SMARCD2: variants seen among roughly 807,000 people sequenced by gnomAD.
The protein encoded by SMARCD2 is SWI/SNF related BAF chromatin remodeling complex subunit D2.
Under a neutral mutation model 70.4 loss-of-function variants are expected in SMARCD2, and 39 were observed. That is an observed-to-expected ratio of 0.55 (90% CI 0.43 to 0.72). The LOEUF (loss-of-function observed/expected upper bound fraction) is 0.72. Ranked by LOEUF, SMARCD2 falls within the 30% of genes least tolerant of loss-of-function variation. The pLI, the probability that SMARCD2 is intolerant of heterozygous loss-of-function variation, is 0.00. For synonymous variants in SMARCD2, 249 were observed against 279.4 expected, an observed-to-expected ratio of 0.89 and a Z score of 1.08; for missense variants, 540 against 713.4, an observed-to-expected ratio of 0.76 and a Z score of 2.77.
Position 63,833,787 on chromosome 17 carries a change from C to A in SMARCD2, c.1182-65G>T. 4 of 1,602,148 alleles carry A rather than the reference C, an allele frequency of 2.5e-6. No homozygotes were observed. The highest frequency in any genetic ancestry group is 3.4e-6 in the Non-Finnish European group (4 of 1,169,560). On this transcript the variant is annotated intron_variant, in intron 9 of 12. Coordinates refer to ENST00000448276, the MANE Select transcript of SMARCD2 (RefSeq NM_001098426.2). This position sits in a 1 kb window ranked among gnomAD's most constrained non-coding sequence, Gnocchi z 4.3. ...TTCATCCTGCCCACCTGGGCCAAAT[C>A]TGGGGCCCATTCTCTGCACACACTC...
At chr17:63,835,152 C>T in intron 5 of SMARCD2, 2 of 539,360 alleles carry the variant, frequency 3.7e-6, no homozygotes, top group Non-Finnish European at 6.5e-6. Context: ...GAGACACAAT[C>T]TCACTCTGTC....
At chr17:63,841,435 G>T (rs1329512819) in intron 1 of SMARCD2, among the ~76,000 whole-genome samples, 1 of 152,244 alleles carries the variant, frequency 6.6e-6, no homozygotes, top group Admixed American at 6.5e-5. Context: ...AGTGTCAAAT[G>T]CTTGGGCACA....
rs761747251 is a variant in SMARCD2 at position 63,836,872 on chromosome 17, G to A, written c.567+50C>T. 8.2e-6 allele frequency: 13 copies of A among 1,580,756 alleles called. 1 individual carries two copies. The highest frequency in any genetic ancestry group is 1.0e-5 in the Non-Finnish European group (12 of 1,155,858). The stretch of plus-strand genomic sequence containing the variant: ...CTTGGCCCCTGGAAAACAAGGGGGT[G>A]GAAGGCAAGGAAACCTGGGAAGGCT... On this transcript the variant is annotated intron_variant, in intron 4 of 12. Transcript: ENST00000448276.
chr17:63,836,424 G>A (rs2040266238), intron 4 of SMARCD2, among the ~76,000 whole-genome samples: 1 of 150,896 alleles, frequency 6.6e-6, no homozygotes, highest in Admixed American at 6.6e-5. Flanking sequence ...ACTTGAACCT[G>A]GGATGCGAAG....
rs1023727849 is a variant in SMARCD2, at chr17:63,842,588, A to C, written c.87T>G (p.Pro29=). ...GAVAAALGAP[P]PPAGPGMLPG... ...GCAGCATGCCGGGTCCCGCGGGGGG[A>C]GGCGGCGCTCCCAGGGCCGCAGCCA... The change falls in exon 1 of 13, where the codon CCT becomes CCG. Residue 29 remains proline, a synonymous_variant. Coordinates refer to ENST00000448276, the MANE Select transcript of SMARCD2 (RefSeq NM_001098426.2). 1 of 1,209,252 alleles carries C rather than the reference A, an allele frequency of 8.3e-7. No homozygotes were observed. Among genetic ancestry groups the C allele is most frequent in the Non-Finnish European group, 1.0e-6 (1 of 974,144 alleles). 74.9% of individuals were successfully genotyped at this position (1,209,252 alleles called of 1,614,324 possible). A position where few individuals can be genotyped will look rare whatever the true frequency, so the allele number is the denominator to read the frequency against.
rs544776470 is a variant in SMARCD2 at position 63,833,882 on chromosome 17, C to T, written c.1181+27G>A. 1.9e-5 allele frequency: 30 copies of T among 1,566,912 alleles called. No homozygotes were observed. The highest frequency in any genetic ancestry group is 2.5e-5 in the Non-Finnish European group (29 of 1,137,768). On this transcript the variant is annotated intron_variant, in intron 9 of 12. Coordinates refer to ENST00000448276, the MANE Select transcript of SMARCD2 (RefSeq NM_001098426.2). This position sits in a 1 kb window ranked among gnomAD's most constrained non-coding sequence, Gnocchi z 4.3. ...AAGGGTGAATCTGCTCTTAGAAGAG[C>T]CTTCCTGTCCCCCTCCTTGCATTTA...
chr17:63,833,416 T>C lies in SMARCD2; in HGVS notation c.1322A>G (p.His441Arg), dbSNP rs757193839. Reference sequence around the variant, plus strand: ...CTGGTTGATGGACTCAATGGTCTCATGGATCTGGAGAGGGTACCTGTGTCA... The same window carrying C: ...CTGGTTGATGGACTCAATGGTCTCACGGATCTGGAGAGGGTACCTGTGTCA... ...QEIASLDVKI[H>R]ETIESINQLK... is the part of the protein sequence containing the mutation. Residue 441 changes from histidine (H) to arginine (R), a missense_variant, in exon 11 of 13, where the codon CAT becomes CGT. By Grantham distance (29) the His-to-Arg change is conservative. Transcript: ENST00000448276. The surrounding 1 kb of genome is among the most constrained non-coding windows in gnomAD (Gnocchi z 4.3). 2.3e-5 allele frequency: 37 copies of C among 1,613,878 alleles called. No individual in the cohort carries two copies. Among genetic ancestry groups the C allele is most frequent in the Admixed American group, 8.3e-5 (5 of 60,000 alleles).
Position 63,834,623 on chromosome 17 carries a change from C to G in SMARCD2, c.820-48G>C, listed in dbSNP as rs896186772. The G allele has an allele frequency of 3.2e-6, 5 of 1,570,688 alleles. No homozygotes were observed. Among genetic ancestry groups the G allele is most frequent in the Non-Finnish European group, 4.4e-6 (5 of 1,142,758 alleles). On this transcript the variant is annotated intron_variant, in intron 6 of 12. Transcript: ENST00000448276. This position sits in a 1 kb window ranked among gnomAD's most constrained non-coding sequence, Gnocchi z 5.6. ...TTATCACCAAGGGGGTGGGCGTGAA[C>G]ACAGGGCCTCCCAAGGGCCCTGAGG...
At chr17:63,838,642 C>T (rs1269482661) in intron 1 of SMARCD2, 24 of 1,495,602 alleles carry the variant, frequency 1.6e-5, no homozygotes, top group Admixed American at 8.6e-5. Flanking sequence ...TTCTGTGGAG[C>T]CCATCTGGGA....
rs749887215 is a variant in SMARCD2, at chr17:63,833,984, C to T, written c.1106G>A (p.Arg369His). The T allele has an allele frequency of 5.6e-6, 9 of 1,613,888 alleles. No homozygotes were observed. The highest frequency in any genetic ancestry group is 1.3e-5 in the African/African-American group (1 of 75,038). ...CAGCTTCATGGGAATCTCGGAGAAA[C>T]GGAGTCGGCCACAACTGAAGATCTG... ...FRQIFSCGRLRFSEIPMKLAG... is the reference protein window; with the variant it reads ...FRQIFSCGRLHFSEIPMKLAG... The change falls in exon 9 of 13, where the codon CGT (arginine) becomes CAT (histidine). Residue 369 changes from arginine to histidine, a missense_variant. Transcript: ENST00000448276. The surrounding 1 kb of genome is among the most constrained non-coding windows in gnomAD (Gnocchi z 4.3).
At position 63,837,644 on chromosome 17, in the gene SMARCD2, C is replaced by T. The variant is rs527711635; in HGVS notation, c.217-19G>A. On this transcript the variant is annotated intron_variant, in intron 1 of 12. Coordinates refer to ENST00000448276, the MANE Select transcript of SMARCD2 (RefSeq NM_001098426.2). The surrounding 1 kb of genome is among the most constrained non-coding windows in gnomAD (Gnocchi z 6.4). ...CAGGTCGCTGGGGGAAGTGAGCCAA[C>T]GGGGGTGCATAGGTCAGGGGCAAGG... 4.5e-5 allele frequency: 73 copies of T among 1,608,134 alleles called. No homozygotes were observed. Among genetic ancestry groups the T allele is most frequent in the Admixed American group, 1.7e-4 (10 of 59,292 alleles).
At chr17:63,841,793 G>C (rs1298050642) in intron 1 of SMARCD2, among the ~76,000 whole-genome samples, 2 of 152,256 alleles carry the variant, frequency 1.3e-5, no homozygotes, top group Non-Finnish European at 2.9e-5. Context: ...GCCCAGAAGA[G>C]AGCCGGCCTG....
Position 63,834,916 on chromosome 17 carries a change from C to G in SMARCD2, c.724-116G>C, listed in dbSNP as rs1283200147. ...CCTGGAGCTCCGGATACTGAAGATT[C>G]CTGGGCCCTGAAGGATGGAAGCAGG... is the stretch of plus-strand genomic sequence containing the variant. On this transcript the variant is annotated intron_variant, in intron 5 of 12. Coordinates refer to ENST00000448276, the MANE Select transcript of SMARCD2 (RefSeq NM_001098426.2). The surrounding 1 kb of genome is among the most constrained non-coding windows in gnomAD (Gnocchi z 5.6). 4.1e-6 allele frequency: 3 copies of G among 732,688 alleles called. No individual in the cohort carries two copies. The highest frequency in any genetic ancestry group is 7.0e-6 in the Non-Finnish European group (3 of 426,682). 45.4% of individuals were successfully genotyped at this position (732,688 alleles called of 1,614,324 possible).
chr17:63,833,827 C>T lies in SMARCD2; in HGVS notation c.1181+82G>A. The T allele has an allele frequency of 1.9e-6, 3 of 1,567,638 alleles. No individual in the cohort carries two copies. The highest frequency in any genetic ancestry group is 2.6e-6 in the Non-Finnish European group (3 of 1,140,914). ...TGCACACACTCAGGGAAAAAGAAACCTGATGCTTTCTTTGGCTTTAGTTCA... is the reference window on the plus strand; with the variant it reads ...TGCACACACTCAGGGAAAAAGAAACTTGATGCTTTCTTTGGCTTTAGTTCA... On this transcript the variant is annotated intron_variant, in intron 9 of 12. Coordinates refer to ENST00000448276, the MANE Select transcript of SMARCD2 (RefSeq NM_001098426.2). The surrounding 1 kb of genome is among the most constrained non-coding windows in gnomAD (Gnocchi z 4.3).
chr17:63,832,898 C>T lies in SMARCD2; in HGVS notation c.*40G>A. ...CAGCAAGGACCCAGAGGGTGGTCTC[C>T]CTCCAGGCTCCAGGGCTGGGAAGAA... On this transcript the variant is annotated 3_prime_UTR_variant, in exon 13 of 13. Coordinates refer to ENST00000448276, the MANE Select transcript of SMARCD2 (RefSeq NM_001098426.2). The T allele has an allele frequency of 1.9e-6, 3 of 1,544,072 alleles. No individual in the cohort carries two copies. The highest frequency in any genetic ancestry group is 2.6e-6 in the Non-Finnish European group (3 of 1,141,548).
chr17:63,840,811 G>A (rs1164895568), intron 1 of SMARCD2, among the ~76,000 whole-genome samples: 1 of 152,212 alleles, frequency 6.6e-6, no homozygotes, highest in Non-Finnish European at 1.5e-5. Flanking sequence ...AAGCTAGTGG[G>A]ATGGGAAACC....
rs2040242280 is a variant in SMARCD2, at chr17:63,834,660, C to A, written c.819+45G>T. 6.3e-7 allele frequency: 1 copy of A among 1,582,678 alleles called. No individual in the cohort carries two copies. The highest frequency in any genetic ancestry group is 1.3e-5 in the African/African-American group (1 of 74,390). ...CAAGGGCCCTGAGGCCATTTCCCTGCCAAACCTGCACATCAGCCTGCTTTT... is the reference window on the plus strand; with the variant it reads ...CAAGGGCCCTGAGGCCATTTCCCTGACAAACCTGCACATCAGCCTGCTTTT... On this transcript the variant is annotated intron_variant, in intron 6 of 12. Transcript: ENST00000448276. This position sits in a 1 kb window ranked among gnomAD's most constrained non-coding sequence, Gnocchi z 5.6.
chr17:63,835,270 A>G, intron 5 of SMARCD2, 142 bp downstream of exon 5: 4 of 756,268 alleles, frequency 5.3e-6, no homozygotes, highest in Middle Eastern at 7.9e-4. Flanking sequence ...CTACAGGTGC[A>G]TGCCACCGCA....
At position 63,834,125 on chromosome 17, in the gene SMARCD2, C is replaced by T. The variant is rs7217959; in HGVS notation, c.1083+42G>A. 4,993 of 1,606,330 alleles carry T rather than the reference C, an allele frequency of 3.1e-3. 133 individuals are homozygous for T. In the African/African-American group the frequency reaches 0.059, roughly 19 times the overall value. ...CCAAGGAGTAGCCCAGCAGGCAAGG[C>T]AAAGCAAGGGCTGAGAAAACGGGGG... is the stretch of plus-strand genomic sequence containing the variant. On this transcript the variant is annotated intron_variant, in intron 8 of 12. Transcript: ENST00000448276. This position sits in a 1 kb window ranked among gnomAD's most constrained non-coding sequence, Gnocchi z 5.6.
Sources: gnomAD v4.1 joint callset for allele counts (sites outside exome capture counted in the v4.1 genomes callset) on GRCh38, gnomAD v4.1.1 for gene constraint, Gnocchi (gnomAD v3.1) non-coding constraint, MANE v1.5 for transcripts, NCBI Gene and HGNC (gene_info 2026-07-23, HGNC 2026-07-21) for gene names.